Variants in HK3 observed in about 807,000 individuals in gnomAD.
HK3 encodes hexokinase 3, also known as hexokinase-3.
A neutral mutation model predicts 91.0 loss-of-function variants in HK3; 93 were observed. The ratio of observed to expected loss-of-function variants is 1.02; its 90% CI spans 0.86 to 1.21. HK3 has a LOEUF of 1.21. Ranked by LOEUF, HK3 falls within the 50% of genes most tolerant of loss-of-function variation. HK3 has a pLI of 0.00. For missense variants in HK3, 1,235 were observed against 1,247.4 expected (o/e 0.99, Z 0.15); for synonymous variants, 519 against 516.9 (o/e 1.00, Z -0.06).
chr5:176,894,195 C>G (rs1185532848), intron 2 of HK3, among the ~76,000 whole-genome samples: 2 of 152,270 alleles, frequency 1.3e-5, no homozygotes, highest in South Asian at 2.1e-4. Context: ...TCTCTGATGA[C>G]AAAGAGAAGC....
rs772196189 is a variant in HK3, at chr5:176,887,863, C to T, written c.1305-117G>A. On this transcript the variant is annotated intron_variant, in intron 10 of 18. Coordinates refer to ENST00000292432, the MANE Select transcript of HK3 (RefSeq NM_002115.3). This position sits in a 1 kb window ranked among gnomAD's most constrained non-coding sequence, Gnocchi z 4.9. ...CAGGTGTGCCCAGCTTGGCCCCAGA[C>T]CCCTAGGGCCTCCTGAAGCCCAAGG... 288 of 1,012,718 alleles carry T rather than the reference C, an allele frequency of 2.8e-4. 1 individual carries two copies. The highest frequency in any genetic ancestry group is 3.4e-4 in the Non-Finnish European group (239 of 696,612). The allele number at this position is 1,012,718 out of a possible 1,614,324, so 62.7% of individuals were successfully genotyped here.
In HK3 at chr5:176,887,454, T is replaced by A; in HGVS notation, c.1597A>T (p.Ser533Cys). The A allele has an allele frequency of 5.0e-6, 8 of 1,612,092 alleles. No individual in the cohort carries two copies. The highest frequency in any genetic ancestry group is 1.3e-5 in the African/African-American group (1 of 74,986). The change falls in exon 11 of 19, where the codon AGC becomes TGC. Residue 533 changes from serine to cysteine, a missense_variant. Transcript: ENST00000292432. This position sits in a 1 kb window ranked among gnomAD's most constrained non-coding sequence, Gnocchi z 4.9. ...CACACTCAGGCCAGGTCCTTACCGCTGCCGTCAGGGGTGGCCCGGACGAAA... is the reference window on the plus strand; with the variant it reads ...CACACTCAGGCCAGGTCCTTACCGCAGCCGTCAGGGGTGGCCCGGACGAAA... ...PTFVRATPDG[S>C]ERGDFLALDL...
chr5:176,882,085 A>G lies in HK3; in HGVS notation c.2096T>C (p.Val699Ala), dbSNP rs755402613. Residue 699 changes from valine to alanine, a missense_variant, in exon 16 of 19, where the codon GTG becomes GCG. By Grantham distance (64) the Val-to-Ala change is moderately conservative. Transcript: ENST00000292432. ...NACYMEELRNVAGVPGDSGRM... is the reference protein window; with the variant it reads ...NACYMEELRNAAGVPGDSGRM... Reference sequence around the variant, plus strand: ...GCCTGAGTCCCCAGGCACGCCCGCCACATTCCGGAGCTCCTCCATGTAGCA... The same window carrying G: ...GCCTGAGTCCCCAGGCACGCCCGCCGCATTCCGGAGCTCCTCCATGTAGCA... The G allele has an allele frequency of 6.2e-7, 1 of 1,613,120 alleles. No homozygotes were observed. Among genetic ancestry groups the G allele is most frequent in the Non-Finnish European group, 8.5e-7 (1 of 1,180,020 alleles).
At chr5:176,885,097 A>T (rs1191886244) in intron 13 of HK3, among the ~76,000 whole-genome samples, 1 of 152,158 alleles carries the variant, frequency 6.6e-6, no homozygotes, top group East Asian at 1.9e-4. Context: ...CAAAGGGGGA[A>T]GTCAGACCCA....
At chr5:176,891,956 T>C (rs1581301824) in intron 2 of HK3, among the ~76,000 whole-genome samples, 1 of 152,254 alleles carries the variant, frequency 6.6e-6, no homozygotes, top group East Asian at 1.9e-4. Context: ...ACGAACAAAC[T>C]TCAAGTGTTT....
In HK3 at chr5:176,881,395, GC is replaced by G; in HGVS notation, c.2533del (p.Ala845LeufsTer76). 1 of 1,613,534 alleles carries G rather than the reference GC, an allele frequency of 6.2e-7. No homozygotes were observed. On this transcript the variant is annotated frameshift_variant, in exon 18 of 19. Transcript: ENST00000292432. LOFTEE classifies it high-confidence loss of function. Reference protein sequence around the residue: ...RAAQLCGAGVAAVVEKIRENR... With the variant: ...RAAQLCGAGVXAVVEKIRENR... ...CTCCCGGATCTTCTCCACCACGGCAGCTACACCCGCCCCACAGAGCTGGGCA... is the reference window on the plus strand; with the variant it reads ...CTCCCGGATCTTCTCCACCACGGCAGTACACCCGCCCCACAGAGCTGGGCA...
chr5:176,887,990 T>C lies in HK3; in HGVS notation c.1305-244A>G, dbSNP rs1758648815. ...ATCATGGCTTACTGTAACCTCAAAC[T>C]CCCAGGCTCCAATGATCCTCCCACC... is the stretch of plus-strand genomic sequence containing the variant. On this transcript the variant is annotated intron_variant, in intron 10 of 18. Coordinates refer to ENST00000292432, the MANE Select transcript of HK3 (RefSeq NM_002115.3). The surrounding 1 kb of genome is among the most constrained non-coding windows in gnomAD (Gnocchi z 4.9). 6.6e-6 allele frequency among the ~76,000 whole-genome samples: 1 copy of C among 151,784 alleles called. No homozygotes were observed. The highest frequency in any genetic ancestry group is 2.1e-4 in the South Asian group (1 of 4,814).
rs1758773565 is a variant in HK3 at position 176,891,473 on chromosome 5, C to T, written c.174G>A (p.Met58Ile). ...TGGCCTGTCCCCTCAGCGCCTGCTC[C>T]ATGGAACCCAAGAGGCTGGCTTGGA... is the stretch of plus-strand genomic sequence containing the variant. ...QQIQASLLGSMEQALRGQASP... is the reference protein window; with the variant it reads ...QQIQASLLGSIEQALRGQASP... The change falls in exon 3 of 19, where the codon ATG (methionine) becomes ATA (isoleucine). Residue 58 changes from methionine (M) to isoleucine (I), a missense_variant. Met to Ile is a conservative substitution (Grantham distance 10). Transcript: ENST00000292432. The T allele has an allele frequency of 6.2e-7, 1 of 1,614,214 alleles. No homozygotes were observed. Among genetic ancestry groups the T allele is most frequent in the East Asian group, 2.2e-5 (1 of 44,882 alleles).
At position 176,881,367 on chromosome 5, in the gene HK3, G is replaced by A; in HGVS notation, c.2562C>T (p.Asn854=). 1.2e-6 allele frequency: 2 copies of A among 1,613,946 alleles called. No homozygotes were observed. The highest frequency in any genetic ancestry group is 1.7e-6 in the Non-Finnish European group (2 of 1,180,016). The change falls in exon 18 of 19, where the codon AAC becomes AAT. Residue 854 remains asparagine, a synonymous_variant. Transcript: ENST00000292432. ...VAAVVEKIRE[N]RGLEELAVSV... ...ACACTGCCAGCTCTTCCAGGCCCCGGTTCTCCCGGATCTTCTCCACCACGG... is the reference window on the plus strand; with the variant it reads ...ACACTGCCAGCTCTTCCAGGCCCCGATTCTCCCGGATCTTCTCCACCACGG...
In HK3 at chr5:176,882,067, T is replaced by TC. The variant is rs1438266235; in HGVS notation, c.2113dup (p.Asp705GlyfsTer28). 1 of 1,612,308 alleles carries TC rather than the reference T, an allele frequency of 6.2e-7. No individual in the cohort carries two copies. The highest frequency in any genetic ancestry group is 8.5e-7 in the Non-Finnish European group (1 of 1,179,966). On this transcript the variant is annotated frameshift_variant, in exon 16 of 19. Coordinates refer to ENST00000292432, the MANE Select transcript of HK3 (RefSeq NM_002115.3). LOFTEE classifies it high-confidence loss of function. Reference sequence around the variant, plus strand: ...CATGTTGATGCACATGCGGCCTGAGTCCCCAGGCACGCCCGCCACATTCCG... The same window carrying TC: ...CATGTTGATGCACATGCGGCCTGAGTCCCCCAGGCACGCCCGCCACATTCCG...
intron 9 of HK3, 49 bp from the exon 10 acceptor site, chr5:176,888,614 T>C (rs1758668751): frequency 6.2e-7 from 1 of 1,607,416 alleles, no homozygotes; most frequent in South Asian, 1.1e-5. Context: ...AAGCTCCCCA[T>C]CCCACTAAAG....
chr5:176,889,073 T>C (rs187020601), intron 8 of HK3, among the ~76,000 whole-genome samples: 1 of 152,292 alleles, frequency 6.6e-6, no homozygotes, highest in East Asian at 1.9e-4. Context: ...AGAAGCCTCC[T>C]GGAGAACAAG....
chr5:176,886,115 G>A (rs934079609), intron 13 of HK3, among the ~76,000 whole-genome samples: 10 of 152,050 alleles, frequency 6.6e-5, no homozygotes, highest in African/African-American at 2.4e-4. Context: ...TGTAGTCCCA[G>A]CTACTTGGGA....
chr5:176,882,023 C>T lies in HK3; in HGVS notation c.2158G>A (p.Asp720Asn). 1.2e-6 allele frequency: 2 copies of T among 1,613,276 alleles called. No homozygotes were observed. Among genetic ancestry groups the T allele is most frequent in the Non-Finnish European group, 1.7e-6 (2 of 1,180,008 alleles). Residue 720 changes from aspartate to asparagine, a missense_variant, in exon 16 of 19, where the codon GAC becomes AAC. Physicochemically the swap from Asp to Asn is conservative, Grantham distance 23 (BLOSUM62 1). Coordinates refer to ENST00000292432, the MANE Select transcript of HK3 (RefSeq NM_002115.3). ...CINMEWGAFG[D>N]DGSLAMLSTR... is the part of the protein sequence containing the mutation. ...CTGAGCATGGCCAGAGAGCCATCGT[C>T]CCCAAAGGCGCCCCACTCCATGTTG...
At chr5:176,883,582 C>T (rs1472156851) in intron 15 of HK3, among the ~76,000 whole-genome samples, 188 bp downstream of exon 15, 1 of 152,150 alleles carries the variant, frequency 6.6e-6, no homozygotes, top group African/African-American at 2.4e-5. Flanking sequence ...GACCATGAGT[C>T]AGTCACTGAG....
At position 176,887,006 on chromosome 5, in the gene HK3, T is replaced by C; in HGVS notation, c.1853A>G (p.Asp618Gly). Residue 618 changes from aspartate (D) to glycine (G), a missense_variant, in exon 13 of 19, where the codon GAC becomes GGC. By Grantham distance (94) the Asp-to-Gly change is moderately conservative. Around this residue, in one of 3 missense-constraint regions of HK3, gnomAD observed 513 missense variants for 477.4 expected, o/e 1.07. Transcript: ENST00000292432. This position sits in a 1 kb window ranked among gnomAD's most constrained non-coding sequence, Gnocchi z 4.9. ...FSFPCRQLGLDQGILLNWTKG... is the reference protein window; with the variant it reads ...FSFPCRQLGLGQGILLNWTKG... ...CTTCTCTTGGCCCTCCCTCACCTGG[T>C]CTAGGCCAAGCTGCCTACATGGGAA... 6.2e-7 allele frequency: 1 copy of C among 1,614,018 alleles called. No individual in the cohort carries two copies. The highest frequency in any genetic ancestry group is 8.5e-7 in the Non-Finnish European group (1 of 1,179,978).
chr5:176,897,334 C>T (rs1035268645), intron 1 of HK3, among the ~76,000 whole-genome samples: 5 of 152,138 alleles, frequency 3.3e-5, no homozygotes, highest in African/African-American at 1.2e-4. Flanking sequence ...CCCAAGGGAG[C>T]CCTCAGTGAG....
In HK3 at chr5:176,881,305, G is replaced by A. The variant is rs781656943; in HGVS notation, c.2624C>T (p.Pro875Leu). ...CAGCCCGCACACCCAGACTCACCGC[G>A]GGTGCAGCTTGTAGAGCGTTCCATC... ...GVDGTLYKLH[P>L]RFSSLVAATV... Residue 875 changes from proline (P) to leucine (L), a missense_variant, in exon 18 of 19, where the codon CCG becomes CTG. Around this residue, in one of 3 missense-constraint regions of HK3, gnomAD observed 513 missense variants for 477.4 expected, o/e 1.07. Coordinates refer to ENST00000292432, the MANE Select transcript of HK3 (RefSeq NM_002115.3). 2.3e-5 allele frequency: 37 copies of A among 1,613,592 alleles called. No individual in the cohort carries two copies. Among genetic ancestry groups the A allele is most frequent in the South Asian group, 1.6e-4 (15 of 91,072 alleles).
At position 176,887,452 on chromosome 5, in the gene HK3, G is replaced by C; in HGVS notation, c.1599C>G (p.Ser533Arg). 6.2e-7 allele frequency: 1 copy of C among 1,611,976 alleles called. No individual in the cohort carries two copies. Among genetic ancestry groups the C allele is most frequent in the East Asian group, 2.2e-5 (1 of 44,816 alleles). Residue 533 changes from serine (S) to arginine (R), a missense_variant and splice_region_variant, in exon 11 of 19, where the codon AGC (serine) becomes AGG (arginine). Ser to Arg is a moderately radical substitution (Grantham distance 110, BLOSUM62 -1). Around this residue, in one of 3 missense-constraint regions of HK3, gnomAD observed 717 missense variants for 751.6 expected, o/e 0.95. Transcript: ENST00000292432. The surrounding 1 kb of genome is among the most constrained non-coding windows in gnomAD (Gnocchi z 4.9). ...PTFVRATPDG[S>R]ERGDFLALDL... ...CCCACACTCAGGCCAGGTCCTTACC[G>C]CTGCCGTCAGGGGTGGCCCGGACGA...
Sources: gnomAD v4.1 joint callset for allele counts (sites outside exome capture counted in the v4.1 genomes callset) on GRCh38, gnomAD v4.1.1 for gene constraint, gnomAD v4.1.1 regional missense constraint, Gnocchi (gnomAD v3.1) non-coding constraint, MANE v1.5 for transcripts, NCBI Gene and HGNC (gene_info 2026-07-23, HGNC 2026-07-21) for gene names.